The following KIRREL3 variants were observed in gnomAD, a reference collection of about 807,000 sequenced individuals.
KIRREL3 encodes the protein kirre like nephrin family adhesion molecule 3, also known as kin of IRRE-like protein 3.
Under a neutral mutation model 89.7 loss-of-function variants are expected in KIRREL3, and 36 were observed. That is an observed-to-expected ratio of 0.40 (90% CI 0.31 to 0.53). The LOEUF (loss-of-function observed/expected upper bound fraction) is 0.53. Among genes scored for constraint, KIRREL3 ranks in the 20% least tolerant of loss-of-function variants. KIRREL3 has a pLI of 0.49. For synonymous variants in KIRREL3, 445 were observed against 441.4 expected (o/e 1.01, Z -0.10); for missense variants, 864 against 1,056.6 (o/e 0.82, Z 2.53).
intron 1 of KIRREL3, among the ~76,000 whole-genome samples, chr11:126,698,166 C>T (rs552859353): frequency 2.6e-5 from 4 of 152,306 alleles, no homozygotes; most frequent in African/African-American, 9.6e-5. Flanking sequence ...TCAGCAAACG[C>T]TCCCTCTCTC....
At chr11:126,984,509 T>C (rs1277426316) in intron 1 of KIRREL3, among the ~76,000 whole-genome samples, 5 of 152,206 alleles carry the variant, frequency 3.3e-5, no homozygotes, top group African/African-American at 1.2e-4. Flanking sequence ...AAGGTTGCCC[T>C]GGGAAAAGCT....
chr11:126,840,789 C>T (rs147183829), intron 1 of KIRREL3, among the ~76,000 whole-genome samples: 159 of 152,310 alleles, frequency 1.0e-3, no homozygotes, highest in Non-Finnish European at 2.1e-3. Context: ...TTGAATTTCA[C>T]AGTATCACAG....
At chr11:126,746,362 G>T (rs1385118166) in intron 1 of KIRREL3, among the ~76,000 whole-genome samples, 1 of 152,200 alleles carries the variant, frequency 6.6e-6, no homozygotes, top group African/African-American at 2.4e-5. Flanking sequence ...GCAGAGGAGA[G>T]TGGGGGTAAT....
At chr11:126,831,317 T>A (rs541767636) in intron 1 of KIRREL3, among the ~76,000 whole-genome samples, 7 of 152,176 alleles carry the variant, frequency 4.6e-5, no homozygotes, top group Non-Finnish European at 1.0e-4. Context: ...TTGGACTGAA[T>A]CAGGGCACAG....
Position 126,977,726 on chromosome 11 carries a change from C to T in KIRREL3, c.55+22729G>A, listed in dbSNP as rs943687684. On this transcript the variant is annotated intron_variant, in intron 1 of 16. Coordinates refer to ENST00000525144, the MANE Select transcript of KIRREL3 (RefSeq NM_032531.4). This position sits in a 1 kb window ranked among gnomAD's most constrained non-coding sequence, Gnocchi z 4.7. ...ACAGAGTCCCTTATTGATTTTTCCCCAACCTTCTGAATGATCAAGCTGCTT... is the reference window on the plus strand; with the variant it reads ...ACAGAGTCCCTTATTGATTTTTCCCTAACCTTCTGAATGATCAAGCTGCTT... 6.6e-6 allele frequency among the ~76,000 whole-genome samples: 1 copy of T among 152,172 alleles called. No homozygotes were observed. Among genetic ancestry groups the T allele is most frequent in the Non-Finnish European group, 1.5e-5 (1 of 68,040 alleles).
rs1950766931 is a variant in KIRREL3 at position 126,795,191 on chromosome 11, A to G, written c.55+205264T>C. On this transcript the variant is annotated intron_variant, in intron 1 of 16. Coordinates refer to ENST00000525144, the MANE Select transcript of KIRREL3 (RefSeq NM_032531.4). The surrounding 1 kb of genome is among the most constrained non-coding windows in gnomAD (Gnocchi z 4.1). ...TGTCATCACACATTTGGCCAAGCCC[A>G]TAGAGTGTACAGCATACAGAATGAA... 6.6e-6 allele frequency among the ~76,000 whole-genome samples: 1 copy of G among 152,200 alleles called. No individual in the cohort carries two copies. Among genetic ancestry groups the G allele is most frequent in the Admixed American group, 6.5e-5 (1 of 15,276 alleles).
rs1949724808 is a variant in KIRREL3 at position 126,763,448 on chromosome 11, G to A, written c.56-200536C>T. Among the ~76,000 whole-genome samples the A allele has an allele frequency of 6.6e-6, 1 of 152,210 alleles. No individual in the cohort carries two copies. The highest frequency in any genetic ancestry group is 1.5e-5 in the Non-Finnish European group (1 of 68,040). ...AGCAGGGAGAGGGCATGAGGATGCAGTGGGTGGGAGGTGTTAAAAAGGGGA... is the reference window on the plus strand; with the variant it reads ...AGCAGGGAGAGGGCATGAGGATGCAATGGGTGGGAGGTGTTAAAAAGGGGA... On this transcript the variant is annotated intron_variant, in intron 1 of 16. Transcript: ENST00000525144. This position sits in a 1 kb window ranked among gnomAD's most constrained non-coding sequence, Gnocchi z 4.7.
intron 6 of KIRREL3, among the ~76,000 whole-genome samples, chr11:126,460,803 G>A (rs1305712659): frequency 6.6e-6 from 1 of 152,208 alleles, no homozygotes; most frequent in Admixed American, 6.5e-5. Flanking sequence ...GTAATGCCTG[G>A]AGCAGGAAAC....
At position 126,684,237 on chromosome 11, in the gene KIRREL3, G is replaced by A. The variant is rs752290403; in HGVS notation, c.56-121325C>T. On this transcript the variant is annotated intron_variant, in intron 1 of 16. Coordinates refer to ENST00000525144, the MANE Select transcript of KIRREL3 (RefSeq NM_032531.4). The surrounding 1 kb of genome is among the most constrained non-coding windows in gnomAD (Gnocchi z 4.2). The stretch of plus-strand genomic sequence containing the variant: ...GGCTGCAGACTCTGCCTCTGTGCCC[G>A]TTCTGGGAAAGCCCCTGGGCTTGCT... Among the ~76,000 whole-genome samples, 28 of 152,328 alleles carry A rather than the reference G, an allele frequency of 1.8e-4. No individual in the cohort carries two copies. The highest frequency in any genetic ancestry group is 5.8e-4 in the African/African-American group (24 of 41,586).
chr11:126,887,703 T>C (rs994327597), intron 1 of KIRREL3, among the ~76,000 whole-genome samples: 1 of 152,230 alleles, frequency 6.6e-6, no homozygotes, highest in African/African-American at 2.4e-5. Flanking sequence ...AACTAAATGT[T>C]GGAAATAGAA....
At chr11:126,448,975 G>T in intron 8 of KIRREL3, 34 bp downstream of exon 8, 1 of 1,571,318 alleles carries the variant, frequency 6.4e-7, no homozygotes, top group Non-Finnish European at 8.7e-7. Context: ...GTGGATGCCT[G>T]CTCGCCTGGG....
chr11:126,725,530 C>T (rs1250117235), intron 1 of KIRREL3, among the ~76,000 whole-genome samples: 1 of 152,208 alleles, frequency 6.6e-6, no homozygotes, highest in Non-Finnish European at 1.5e-5. Context: ...CATGGGTTTG[C>T]CCCCGCTCAT....
Position 126,569,459 on chromosome 11 carries a change from A to C in KIRREL3, c.56-6547T>G, listed in dbSNP as rs1940763742. ...ACACATTAATAAATGTGACTGGTGT[A>C]AAGTCCAAGGCACAGACACTCGCAA... On this transcript the variant is annotated intron_variant, in intron 1 of 16. Coordinates refer to ENST00000525144, the MANE Select transcript of KIRREL3 (RefSeq NM_032531.4). The surrounding 1 kb of genome is among the most constrained non-coding windows in gnomAD (Gnocchi z 6.5). Among the ~76,000 whole-genome samples, 1 of 152,244 alleles carries C rather than the reference A, an allele frequency of 6.6e-6. No homozygotes were observed. Among genetic ancestry groups the C allele is most frequent in the South Asian group, 2.1e-4 (1 of 4,836 alleles).
intron 7 of KIRREL3, among the ~76,000 whole-genome samples, chr11:126,449,449 G>A (rs1565460713): frequency 1.3e-5 from 2 of 152,188 alleles, no homozygotes; most frequent in South Asian, 4.1e-4. Flanking sequence ...TTGATTACTC[G>A]GCTGGTCAGC....
In KIRREL3 at chr11:126,610,877, G is replaced by A. The variant is rs1259152551; in HGVS notation, c.56-47965C>T. On this transcript the variant is annotated intron_variant, in intron 1 of 16. Coordinates refer to ENST00000525144, the MANE Select transcript of KIRREL3 (RefSeq NM_032531.4). The surrounding 1 kb of genome is among the most constrained non-coding windows in gnomAD (Gnocchi z 4.6). The stretch of plus-strand genomic sequence containing the variant: ...TCATTTTTCACAGAAGTCTAAGGTG[G>A]AATTTAGACCAAGATATTCTTGGCC... The A allele has an allele frequency of 1.3e-5, 2 of 152,198 alleles. No individual in the cohort carries two copies. The highest frequency in any genetic ancestry group is 4.8e-5 in the African/African-American group (2 of 41,444). The allele number at this position is 152,198 out of a possible 1,614,324, so 9.4% of individuals were successfully genotyped here.
At position 126,564,173 on chromosome 11, in the gene KIRREL3, T is replaced by A. The variant is rs1269749077; in HGVS notation, c.56-1261A>T. 6.6e-6 allele frequency among the ~76,000 whole-genome samples: 1 copy of A among 152,232 alleles called. No homozygotes were observed. Among genetic ancestry groups the A allele is most frequent in the Admixed American group, 6.5e-5 (1 of 15,288 alleles). On this transcript the variant is annotated intron_variant, in intron 1 of 16. Coordinates refer to ENST00000525144, the MANE Select transcript of KIRREL3 (RefSeq NM_032531.4). The surrounding 1 kb of genome is among the most constrained non-coding windows in gnomAD (Gnocchi z 7.4). Reference sequence around the variant, plus strand: ...AGAGAAAGAGGGTCCCAATGAGTGATGCATCACAGCACCTTCTCCCACGAC... The same window carrying A: ...AGAGAAAGAGGGTCCCAATGAGTGAAGCATCACAGCACCTTCTCCCACGAC...
rs1352211322 is a variant in KIRREL3, at chr11:126,704,286, A to G, written c.56-141374T>C. Among the ~76,000 whole-genome samples the G allele has an allele frequency of 1.3e-5, 2 of 152,202 alleles. No individual in the cohort carries two copies. The highest frequency in any genetic ancestry group is 2.9e-5 in the Non-Finnish European group (2 of 68,036). ...CACAGCTGTTCCCCTTAACTGCAGA[A>G]TGAAGTGAGCACAGCAGCACAGAAC... On this transcript the variant is annotated intron_variant, in intron 1 of 16. Coordinates refer to ENST00000525144, the MANE Select transcript of KIRREL3 (RefSeq NM_032531.4). The surrounding 1 kb of genome is among the most constrained non-coding windows in gnomAD (Gnocchi z 4.2).
chr11:126,737,229 TG>T (rs2134209657), intron 1 of KIRREL3, among the ~76,000 whole-genome samples: 1 of 149,484 alleles, frequency 6.7e-6, no homozygotes, highest in East Asian at 2.0e-4. Context: ...AGGAAGGGAG[TG>T]GGGAGGAGCA....
At chr11:126,730,320 C>A (rs1230978981) in intron 1 of KIRREL3, among the ~76,000 whole-genome samples, 3 of 152,238 alleles carry the variant, frequency 2.0e-5, no homozygotes, top group South Asian at 2.1e-4. Flanking sequence ...CATCTCTGCA[C>A]CATCAACATC....
Sources: gnomAD v4.1 joint callset for allele counts (sites outside exome capture counted in the v4.1 genomes callset) on GRCh38, gnomAD v4.1.1 for gene constraint, Gnocchi (gnomAD v3.1) non-coding constraint, MANE v1.5 for transcripts, NCBI Gene and HGNC (gene_info 2026-07-23, HGNC 2026-07-21) for gene names.